Variants in CDH23 observed in about 807,000 individuals in gnomAD.
CDH23 encodes the protein cadherin related 23.
In CDH23, 189 loss-of-function variants were observed where a neutral mutation model predicts 317.1. The ratio of observed to expected loss-of-function variants is 0.60; its 90% CI spans 0.53 to 0.67. CDH23 has a LOEUF of 0.67. Among genes scored for constraint, CDH23 ranks in the 30% least tolerant of loss-of-function variants. The pLI is 0.00. For missense variants in CDH23, 4,401 were observed against 4,592.4 expected, an observed-to-expected ratio of 0.96 and a Z score of 1.20; for synonymous variants, 1,839 against 1,876.8, an observed-to-expected ratio of 0.98 and a Z score of 0.52.
intron 31 of CDH23, 100 bp downstream of exon 31, chr10:71,730,704 G>T (rs372028551): frequency 6.6e-7 from 1 of 1,526,700 alleles, no homozygotes. Context: ...GATGCTTCAG[G>T]CTCCCCATTT....
At chr10:71,429,399 A>C (rs1291934708) in intron 1 of CDH23, among the ~76,000 whole-genome samples, 1 of 152,206 alleles carries the variant, frequency 6.6e-6, no homozygotes, top group African/African-American at 2.4e-5. Context: ...GTACATGCTC[A>C]TGCTACTGTG....
intron 22 of CDH23, among the ~76,000 whole-genome samples, chr10:71,701,044 TCCC>T (rs1282246315): frequency 2.0e-5 from 3 of 152,126 alleles, no homozygotes; most frequent in Non-Finnish European, 2.9e-5. Context: ...GTCACCTCTC[TCCC>T]CCCACCACCA....
chr10:71,496,447 C>T (rs527605004), intron 3 of CDH23, among the ~76,000 whole-genome samples: 140 of 152,280 alleles, frequency 9.2e-4, no homozygotes, highest in Non-Finnish European at 1.3e-3. Flanking sequence ...GGAAGAGGCT[C>T]AGGGAAGCTG....
chr10:71,773,542 G>T, intron 38 of CDH23: 2 of 1,189,760 alleles, frequency 1.7e-6, no homozygotes, highest in Non-Finnish European at 2.3e-6. Context: ...AGTGAGCGCT[G>T]CGGGCGGCCC....
chr10:71,648,153 T>C (rs987824074), intron 14 of CDH23, among the ~76,000 whole-genome samples: 9 of 152,228 alleles, frequency 5.9e-5, no homozygotes, highest in African/African-American at 1.7e-4. Flanking sequence ...AGCTGTTTTC[T>C]TCACCTCCCG....
At chr10:71,469,610 C>CG (rs141304366) in intron 3 of CDH23, among the ~76,000 whole-genome samples, 58,314 of 148,676 alleles carry the variant, frequency 0.39, 11,412 homozygotes, top group East Asian at 0.6. Flanking sequence ...TTGTGTCCCC[C>CG]CCTTGTTTTT....
intron 9 of CDH23, among the ~76,000 whole-genome samples, chr10:71,612,951 C>T (rs571297939): frequency 4.9e-4 from 75 of 152,324 alleles, no homozygotes; most frequent in African/African-American, 1.7e-3. Flanking sequence ...CAGCTTCAAG[C>T]GATTCTCATG....
At chr10:71,437,507 G>A (rs775145662) in intron 1 of CDH23, among the ~76,000 whole-genome samples, 4 of 152,194 alleles carry the variant, frequency 2.6e-5, no homozygotes, top group Non-Finnish European at 5.9e-5. Context: ...CTTGATGTGC[G>A]AAAAGCAAGT....
At chr10:71,541,516 G>C (rs1855989102) in intron 6 of CDH23, among the ~76,000 whole-genome samples, 1 of 152,268 alleles carries the variant, frequency 6.6e-6, no homozygotes, top group African/African-American at 2.4e-5. Flanking sequence ...TCTGGACATT[G>C]AGGAGCACTG....
At position 71,730,576 on chromosome 10, in the gene CDH23, C is replaced by G; in HGVS notation, c.3687C>G (p.Ile1229Met). ...CCGCAGGCATTGGAACGTCAGTCAT[C>G]GTGGTCCAAGCCACAGACCGAGACT... ...RETAGIGTSV[I>M]VVQATDRDSG... Residue 1229 changes from isoleucine to methionine, a missense_variant, in exon 31 of 70, where the codon ATC becomes ATG. By Grantham distance (10) the Ile-to-Met change is conservative (BLOSUM62 1). This residue lies in a region of CDH23 where 3,068 missense variants were observed against 3,203.3 expected (regional missense o/e 0.96). Coordinates refer to ENST00000224721, the MANE Select transcript of CDH23 (RefSeq NM_022124.6). The G allele has an allele frequency of 1.2e-6, 2 of 1,613,822 alleles. No homozygotes were observed. Among genetic ancestry groups the G allele is most frequent in the Non-Finnish European group, 1.7e-6 (2 of 1,179,880 alleles).
At position 71,397,798 on chromosome 10, in the gene CDH23, T is replaced by C. The variant is rs1243362396; in HGVS notation, c.-6+480T>C. On this transcript the variant is annotated intron_variant, in intron 1 of 69. Transcript: ENST00000224721. The surrounding 1 kb of genome is among the most constrained non-coding windows in gnomAD (Gnocchi z 4.8). Reference sequence around the variant, plus strand: ...CCTACTGCGGGCTGGGCAGAGGCGCTGAGGGGAACTAAAGGCACGTAGTTC... The same window carrying C: ...CCTACTGCGGGCTGGGCAGAGGCGCCGAGGGGAACTAAAGGCACGTAGTTC... 6.6e-6 allele frequency among the ~76,000 whole-genome samples: 1 copy of C among 151,968 alleles called. No individual in the cohort carries two copies. Among genetic ancestry groups the C allele is most frequent in the Non-Finnish European group, 1.5e-5 (1 of 67,960 alleles).
chr10:71,590,874 A>AG (rs1859425645), intron 9 of CDH23, among the ~76,000 whole-genome samples: 1 of 67,332 alleles, frequency 1.5e-5, no homozygotes, highest in African/African-American at 6.5e-5. Flanking sequence ...CCCTGTCTCT[A>AG]AAAAAAAAAA....
intron 6 of CDH23, among the ~76,000 whole-genome samples, chr10:71,551,731 C>G (rs17708615): frequency 0.07 from 10,707 of 152,198 alleles, 502 homozygotes; most frequent in African/African-American, 0.14. Context: ...CCCCAAGGAC[C>G]CTCAGGACCT....
chr10:71,625,490 G>A (rs978622734), intron 11 of CDH23, among the ~76,000 whole-genome samples: 1 of 150,290 alleles, frequency 6.7e-6, no homozygotes, highest in Non-Finnish European at 1.5e-5. Flanking sequence ...GTGATGGGGT[G>A]GAGGTGAGAA....
intron 1 of CDH23, among the ~76,000 whole-genome samples, chr10:71,411,938 A>G (rs1417592643): frequency 2.0e-5 from 3 of 152,154 alleles, no homozygotes; most frequent in Non-Finnish European, 4.4e-5. Context: ...AAATGGAAAT[A>G]CTGTACCCAT....
At chr10:71,605,246 T>A (rs1369151937) in intron 9 of CDH23, among the ~76,000 whole-genome samples, 1 of 151,446 alleles carries the variant, frequency 6.6e-6, no homozygotes, top group Non-Finnish European at 1.5e-5. Flanking sequence ...ATTGACCTTT[T>A]TTTTTTAAAA....
intron 11 of CDH23, among the ~76,000 whole-genome samples, chr10:71,642,484 C>T (rs1327732002): frequency 6.7e-6 from 1 of 148,238 alleles, no homozygotes; most frequent in Non-Finnish European, 1.5e-5. Flanking sequence ...CTCCAACCTC[C>T]GCCTCCCGGC....
chr10:71,433,352 C>T (rs1177038917), intron 1 of CDH23, among the ~76,000 whole-genome samples: 5 of 152,356 alleles, frequency 3.3e-5, no homozygotes, highest in Middle Eastern at 3.4e-3. Context: ...TGGCAATTTC[C>T]TCAGCTGAGG....
intron 28 of CDH23, 165 bp downstream of exon 28, chr10:71,712,978 T>C: frequency 1.2e-6 from 1 of 847,382 alleles, no homozygotes; most frequent in Middle Eastern, 2.4e-4. Context: ...ACCCAGGCCC[T>C]CTCCCATCCC....
Sources: allele counts gnomAD v4.1 joint callset (sites outside exome capture counted in the v4.1 genomes callset), GRCh38; gene constraint gnomAD v4.1.1; regional missense constraint gnomAD v4.1.1; non-coding constraint Gnocchi (gnomAD v3.1); transcripts MANE v1.5; gene names NCBI Gene and HGNC (gene_info 2026-07-23, HGNC 2026-07-21).